Variants in PECAM1 observed in about 807,000 individuals in gnomAD.
PECAM1 encodes platelet and endothelial cell adhesion molecule 1, also known as platelet endothelial cell adhesion molecule.
PECAM1 carries 8 observed loss-of-function variants against 13.8 expected under a neutral mutation model. The ratio of observed to expected loss-of-function variants is 0.58; its 90% CI spans 0.34 to 1.05. PECAM1 has a LOEUF of 1.05. PECAM1 is among the 50% of genes least tolerant of loss of function. PECAM1 has a pLI of 0.03. For missense variants in PECAM1, 304 were observed against 141.2 expected (o/e 2.15, Z -5.84); for synonymous variants, 136 against 52.6 (o/e 2.58, Z -6.86).
At chr17:64,336,146 G>T (rs11871888) in intron 14 of PECAM1, among the ~76,000 whole-genome samples, 71,375 of 151,712 alleles carry the variant, frequency 0.47, 18,038 homozygotes, top group East Asian at 0.68. Flanking sequence ...AGTAGCTGTG[G>T]TCCCAGCTAC....
Position 64,321,649 on chromosome 17 carries a change from T to A in PECAM1, c.*2167A>T. 1 of 541,628 alleles carries A rather than the reference T, an allele frequency of 1.8e-6. No individual in the cohort carries two copies. Among genetic ancestry groups the A allele is most frequent in the Non-Finnish European group, 2.6e-6 (1 of 391,550 alleles). 33.6% of individuals were successfully genotyped at this position (541,628 alleles called of 1,614,324 possible). A position where few individuals can be genotyped will look rare whatever the true frequency, so the allele number is the denominator to read the frequency against. The stretch of plus-strand genomic sequence containing the variant: ...GGCGGCTCACGCCTCTGGTCCCAGC[T>A]ACCCAGGAAGCTGAGATGGGAGGAT... On this transcript the variant is annotated 3_prime_UTR_variant, in exon 16 of 16. Transcript: ENST00000563924.
At chr17:64,336,914 AAGAT>A (rs1219118147) in intron 14 of PECAM1, among the ~76,000 whole-genome samples, 6 of 151,598 alleles carry the variant, frequency 4.0e-5, no homozygotes, top group South Asian at 2.1e-4. Context: ...GAGAGAGAGA[AAGAT>A]AGAAAGAAGG....
chr17:64,329,666 T>C (rs782412866), intron 15 of PECAM1, 34 bp downstream of exon 15: 1 of 745,122 alleles, frequency 1.3e-6, no homozygotes, highest in East Asian at 2.5e-5. Flanking sequence ...AGTGGAGTAC[T>C]TTTAAATATA....
intron 5 of PECAM1, among the ~76,000 whole-genome samples, chr17:64,367,854 A>G (rs1167031035): frequency 6.6e-6 from 1 of 152,212 alleles, no homozygotes; most frequent in African/African-American, 2.4e-5. Context: ...GTAAAAAAAT[A>G]CCATGAGCCA....
At chr17:64,347,937 G>C (rs1389083707) in intron 13 of PECAM1, among the ~76,000 whole-genome samples, 1 of 151,662 alleles carries the variant, frequency 6.6e-6, no homozygotes, top group East Asian at 1.9e-4. Context: ...TATCATGTTG[G>C]TCAGGCTGGT....
rs2034784854 is a variant in PECAM1 at position 64,319,678 on chromosome 17, C to G, written c.*4138G>C. ...ACAGTGTGATTACTGAAGTTGCGCGCATGCTCACTTGAGGCATTTTTCCCC... is the reference window on the plus strand; with the variant it reads ...ACAGTGTGATTACTGAAGTTGCGCGGATGCTCACTTGAGGCATTTTTCCCC... On this transcript the variant is annotated 3_prime_UTR_variant, in exon 16 of 16. Coordinates refer to ENST00000563924, the MANE Select transcript of PECAM1 (RefSeq NM_000442.5). 1.3e-5 allele frequency: 2 copies of G among 152,200 alleles called. No homozygotes were observed. The allele number at this position is 152,200 out of a possible 1,614,324, so 9.4% of individuals were successfully genotyped here.
chr17:64,376,124 C>T (rs59359264), intron 3 of PECAM1, among the ~76,000 whole-genome samples: 6 of 151,618 alleles, frequency 4.0e-5, no homozygotes, highest in East Asian at 2.0e-4. Flanking sequence ...GCCAACATGG[C>T]GAAACCCCAT....
Position 64,321,951 on chromosome 17 carries a change from C to T in PECAM1, c.*1865G>A. On this transcript the variant is annotated 3_prime_UTR_variant, in exon 16 of 16. Transcript: ENST00000563924. ...CAGAGACATGAAGGTCGTTAGAGGT[C>T]GTCTGATCCTTTGACCTCAATCTGA... 1 of 1,312,828 alleles carries T rather than the reference C, an allele frequency of 7.6e-7. No homozygotes were observed. Among genetic ancestry groups the T allele is most frequent in the Non-Finnish European group, 1.0e-6 (1 of 992,916 alleles). The allele number at this position is 1,312,828 out of a possible 1,614,324, so 81.3% of individuals were successfully genotyped here. A position where few individuals can be genotyped will look rare whatever the true frequency, so the allele number is the denominator to read the frequency against.
At chr17:64,326,669 C>T (rs1224173898) in intron 15 of PECAM1, among the ~76,000 whole-genome samples, 2 of 152,170 alleles carry the variant, frequency 1.3e-5, no homozygotes, top group Non-Finnish European at 2.9e-5. Flanking sequence ...GCCTGGGGCA[C>T]CATTGCAGAA....
At chr17:64,368,201 G>A (rs1313898917) in intron 5 of PECAM1, among the ~76,000 whole-genome samples, 2 of 152,102 alleles carry the variant, frequency 1.3e-5, no homozygotes, top group South Asian at 2.1e-4. Flanking sequence ...CCTGTGTGCC[G>A]GGCACTGTTC....
chr17:64,368,985 G>A (rs2036176960), intron 5 of PECAM1, among the ~76,000 whole-genome samples: 2 of 109,150 alleles, frequency 1.8e-5, no homozygotes, highest in Admixed American at 1.4e-4. Context: ...GGCCCAGGCT[G>A]GAGTGCAGTG....
chr17:64,326,752 G>A (rs1374015652), intron 15 of PECAM1, among the ~76,000 whole-genome samples: 2 of 152,200 alleles, frequency 1.3e-5, no homozygotes, highest in African/African-American at 2.4e-5. Flanking sequence ...AGGTTAACAC[G>A]CTCACATCCA....
intron 14 of PECAM1, among the ~76,000 whole-genome samples, chr17:64,337,632 A>G (rs1404394101): frequency 4.0e-5 from 6 of 150,038 alleles, no homozygotes; most frequent in African/African-American, 1.5e-4. Flanking sequence ...CCTGTGCTCT[A>G]CACCGCCTCA....
chr17:64,389,731 A>T (rs1382516137), intron 2 of PECAM1, among the ~76,000 whole-genome samples: 1 of 152,120 alleles, frequency 6.6e-6, no homozygotes, highest in Non-Finnish European at 1.5e-5. Flanking sequence ...CCCCATCCCA[A>T]AAAACAGCAA....
chr17:64,369,677 C>A, intron 5 of PECAM1, 73 bp downstream of exon 5: 1 of 398,268 alleles, frequency 2.5e-6, no homozygotes, highest in Non-Finnish European at 4.4e-6. Flanking sequence ...CTCTCTTTGG[C>A]CATGCTGGAT....
intron 15 of PECAM1, among the ~76,000 whole-genome samples, chr17:64,324,259 A>T (rs1036031326): frequency 5.3e-5 from 8 of 152,170 alleles, no homozygotes; most frequent in African/African-American, 1.9e-4. Context: ...TTAAGACCTC[A>T]GGAGACCACT....
intron 14 of PECAM1, among the ~76,000 whole-genome samples, chr17:64,339,158 G>A (rs1308316228): frequency 6.6e-6 from 1 of 152,058 alleles, no homozygotes; most frequent in Non-Finnish European, 1.5e-5. Flanking sequence ...TAAGGAGCTG[G>A]CCTCCTGCAG....
intron 5 of PECAM1, among the ~76,000 whole-genome samples, chr17:64,365,584 T>G (rs2143829586): frequency 6.6e-6 from 1 of 152,230 alleles, no homozygotes; most frequent in East Asian, 1.9e-4. Flanking sequence ...ACTACAAGGC[T>G]ACAGTAACCA....
intron 5 of PECAM1, among the ~76,000 whole-genome samples, chr17:64,367,563 A>AG (rs1346262048): frequency 5.9e-5 from 9 of 151,798 alleles, no homozygotes; most frequent in African/African-American, 2.2e-4. Flanking sequence ...AAAAAAAAAA[A>AG]AAAAGAAAAG....
Sources: allele counts gnomAD v4.1 joint callset (sites outside exome capture counted in the v4.1 genomes callset), GRCh38; gene constraint gnomAD v4.1.1; transcripts MANE v1.5; gene names NCBI Gene and HGNC (gene_info 2026-07-23, HGNC 2026-07-21).